The following SYNE1 variants were observed in gnomAD, a reference collection of about 807,000 sequenced individuals.
SYNE1 encodes the protein nesprin-1.
SYNE1 carries 616 observed loss-of-function variants against 1,111.0 expected under a neutral mutation model. The ratio of observed to expected loss-of-function variants is 0.55; its 90% confidence interval spans 0.52 to 0.59. The LOEUF (loss-of-function observed/expected upper bound fraction) is 0.59. SYNE1 is among the 20% of genes least tolerant of loss of function. The pLI is 0.00. For synonymous variants in SYNE1, 3,855 were observed against 3,825.8 expected, an observed-to-expected ratio of 1.01 and a Z score of -0.28; for missense variants, 10,006 against 10,417.0, an observed-to-expected ratio of 0.96 and a Z score of 1.72.
At position 152,387,346 on chromosome 6, in the gene SYNE1, T is replaced by C. The variant is rs2097539633; in HGVS notation, c.8213A>G (p.Tyr2738Cys). The part of the protein sequence containing the change: ...LESVISQWND[Y>C]VERKNQLEQW... ...CTCCAACTGGTTTTTCCTCTCTACA[T>C]AGTCATTCCATTGGCTAATCACAGA... is the stretch of plus-strand genomic sequence containing the variant. Residue 2738 changes from tyrosine (Y) to cysteine (C), a missense_variant, in exon 54 of 146, where the codon TAT becomes TGT. Around this residue, in one of 7 missense-constraint regions of SYNE1, gnomAD observed 4,955 missense variants for 5,017.2 expected, o/e 0.99. Coordinates refer to ENST00000367255, the MANE Select transcript of SYNE1 (RefSeq NM_182961.4). 6.2e-7 allele frequency: 1 copy of C among 1,614,054 alleles called. No individual in the cohort carries two copies. The highest frequency in any genetic ancestry group is 1.3e-5 in the African/African-American group (1 of 74,952).
chr6:152,331,395 T>C lies in SYNE1; in HGVS notation c.13290A>G (p.Ala4430=), dbSNP rs1353838580. 6.2e-7 allele frequency: 1 copy of C among 1,614,190 alleles called. No homozygotes were observed. The highest frequency in any genetic ancestry group is 1.1e-5 in the South Asian group (1 of 91,086). ...CACTGAGACAATTCACGTGGCTTTG[T>C]GCATCAGAGAGAGCCTTCTGGATGA... The part of the protein sequence containing the change: ...RQVIQKALSD[A]QSHVNCLSDL... The change falls in exon 78 of 146, where the codon GCA becomes GCG. Residue 4430 remains alanine, a synonymous_variant. Transcript: ENST00000367255.
chr6:152,331,604 C>T lies in SYNE1; in HGVS notation c.13081G>A (p.Glu4361Lys), dbSNP rs542703472. ...SRFQELMEWA[E>K]EQQPNIAEAL... ...TCGGCGATGTTGGGTTGTTGCTCTT[C>T]TGCCCACTCCATTAGCTCCTGAAAT... Residue 4361 changes from glutamate (E) to lysine (K), a missense_variant, in exon 78 of 146, where the codon GAA becomes AAA. Glu to Lys is a moderately conservative substitution (Grantham distance 56). Coordinates refer to ENST00000367255, the MANE Select transcript of SYNE1 (RefSeq NM_182961.4). 1 of 1,614,202 alleles carries T rather than the reference C, an allele frequency of 6.2e-7. No individual in the cohort carries two copies. The highest frequency in any genetic ancestry group is 1.3e-5 in the African/African-American group (1 of 75,062).
chr6:152,196,623 A>G (rs888864524), intron 127 of SYNE1, among the ~76,000 whole-genome samples: 1 of 151,936 alleles, frequency 6.6e-6, no homozygotes, highest in African/African-American at 2.4e-5. Context: ...CCAGTACCCT[A>G]TCTTACTGTA....
intron 4 of SYNE1, among the ~76,000 whole-genome samples, chr6:152,532,027 T>C (rs2154359584): frequency 6.6e-6 from 1 of 152,348 alleles, no homozygotes; most frequent in East Asian, 1.9e-4. Context: ...GAAGTGGAAT[T>C]GCTGAACTAC....
chr6:152,321,268 T>A lies in SYNE1; in HGVS notation c.16206A>T (p.Glu5402Asp). Residue 5402 changes from glutamate (E) to aspartate (D), a missense_variant, in exon 84 of 146, where the codon GAA becomes GAT. By Grantham distance (45) the Glu-to-Asp change is conservative. Transcript: ENST00000367255. The stretch of plus-strand genomic sequence containing the variant: ...CTCGGATCTTTAGATCTAACGCCAC[T>A]TCAGCCAACTGAAGGGAGAGTTCAG... The part of the protein sequence containing the change: ...LPSELSLQLA[E>D]VALDLKIRDQ... The A allele has an allele frequency of 6.2e-7, 1 of 1,613,902 alleles. No individual in the cohort carries two copies. The highest frequency in any genetic ancestry group is 8.5e-7 in the Non-Finnish European group (1 of 1,179,908).
chr6:152,362,378 A>C (rs1328417660), intron 63 of SYNE1, 55 bp from the exon 64 acceptor site: 1 of 1,611,480 alleles, frequency 6.2e-7, no homozygotes, highest in Non-Finnish European at 8.5e-7. Context: ...TAGGAGTCTA[A>C]AATGTCATTG....
intron 36 of SYNE1, among the ~76,000 whole-genome samples, chr6:152,429,019 C>T (rs1232593352): frequency 6.6e-6 from 1 of 151,272 alleles, no homozygotes; most frequent in Non-Finnish European, 1.5e-5. Context: ...ATGTAACATG[C>T]TATAATCACT....
At chr6:152,151,930 C>A (rs2060493245) in intron 134 of SYNE1, 29 bp downstream of exon 134, 2 of 1,613,094 alleles carry the variant, frequency 1.2e-6, no homozygotes, top group Admixed American at 1.7e-5. Flanking sequence ...CCTCTGGCCT[C>A]TAAATTACAG....
rs11360288 is a variant in SYNE1 at position 152,132,873 on chromosome 6, A to AT, written c.26001+402dup. Among the ~76,000 whole-genome samples, 1,117 of 146,250 alleles carry AT rather than the reference A, an allele frequency of 7.6e-3. 24 individuals are homozygous for AT. The highest frequency in any genetic ancestry group is 0.026 in the East Asian group (130 of 5,010). On this transcript the variant is annotated intron_variant, in intron 143 of 145. Coordinates refer to ENST00000367255, the MANE Select transcript of SYNE1 (RefSeq NM_182961.4). ...TAAATGAGCAGAGGACTGTTTTTTA[A>AT]TTTTTTTTTTTTTTTCTGTATACAT...
In SYNE1 at chr6:152,249,263, C is replaced by T; in HGVS notation, c.19471-1G>A. On this transcript the variant is annotated splice_acceptor_variant, in intron 104 of 145. Coordinates refer to ENST00000367255, the MANE Select transcript of SYNE1 (RefSeq NM_182961.4). LOFTEE classifies it high-confidence loss of function. ...ATGTAAACAGCACTTTCAGATCATT[C>T]TAAGGAGGAAAGCAACGGGAAAACT... The T allele has an allele frequency of 6.3e-7, 1 of 1,597,680 alleles. No homozygotes were observed.
intron 83 of SYNE1, 88 bp downstream of exon 83, chr6:152,321,633 C>T: frequency 2.6e-6 from 4 of 1,519,964 alleles, no homozygotes; most frequent in South Asian, 1.2e-5. Context: ...ATTCAATATT[C>T]AATAAATACA....
At chr6:152,475,263 T>G (rs369107466) in intron 14 of SYNE1, among the ~76,000 whole-genome samples, 26 of 152,224 alleles carry the variant, frequency 1.7e-4, no homozygotes, top group African/African-American at 6.3e-4. Flanking sequence ...ATGATGGGGT[T>G]ATGTCCCAAT....
chr6:152,230,185 C>T (rs1267826724), intron 115 of SYNE1, among the ~76,000 whole-genome samples: 3 of 152,030 alleles, frequency 2.0e-5, no homozygotes, highest in Non-Finnish European at 4.4e-5. Context: ...GGGACAAGCA[C>T]CACCACGTCT....
intron 131 of SYNE1, among the ~76,000 whole-genome samples, chr6:152,163,811 T>C (rs2153021140): frequency 6.6e-6 from 1 of 152,224 alleles, no homozygotes; most frequent in East Asian, 1.9e-4. Context: ...TGTCTAAGTG[T>C]ATGGTAGTGG....
In SYNE1 at chr6:152,325,436, T is replaced by C. The variant is rs988156227; in HGVS notation, c.15439-134A>G. ...GTTTCTACATACGTTTATTCTCCTC[T>C]AGGTACTCTTACTTTTATGTTTATT... is the stretch of plus-strand genomic sequence containing the variant. On this transcript the variant is annotated intron_variant, in intron 80 of 145. Transcript: ENST00000367255. 2.5e-5 allele frequency: 19 copies of C among 772,994 alleles called. No homozygotes were observed. In the African/African-American group the frequency reaches 2.5e-4, roughly 10 times the overall value. 47.9% of individuals were successfully genotyped at this position (772,994 alleles called of 1,614,324 possible).
intron 63 of SYNE1, among the ~76,000 whole-genome samples, chr6:152,362,885 G>C (rs1231198553): frequency 1.4e-5 from 2 of 145,694 alleles, no homozygotes; most frequent in East Asian, 2.0e-4. Context: ...ACACATGCTA[G>C]TTTTTTTTTT....
At chr6:152,207,655 T>C (rs2076761204) in intron 125 of SYNE1, among the ~76,000 whole-genome samples, 1 of 152,236 alleles carries the variant, frequency 6.6e-6, no homozygotes, top group African/African-American at 2.4e-5. Context: ...TGCTCAAGAA[T>C]AAAATGTATG....
Position 152,330,350 on chromosome 6 carries a change from C to G in SYNE1, c.14335G>C (p.Ala4779Pro), listed in dbSNP as rs368490158. The G allele has an allele frequency of 6.2e-7, 1 of 1,614,142 alleles. No homozygotes were observed. The highest frequency in any genetic ancestry group is 1.1e-5 in the South Asian group (1 of 91,086). Residue 4779 changes from alanine to proline, a missense_variant, in exon 78 of 146, where the codon GCT becomes CCT. Ala to Pro is a conservative substitution (Grantham distance 27). This residue lies in a region of SYNE1 where 4,955 missense variants were observed against 5,017.2 expected (regional missense o/e 0.99). Transcript: ENST00000367255. Reference sequence around the variant, plus strand: ...CACATCTTCTCGTGTTCTTGGTAAGCACTGGTGGTGTCTTCTAATAAGCTA... The same window carrying G: ...CACATCTTCTCGTGTTCTTGGTAAGGACTGGTGGTGTCTTCTAATAAGCTA... Reference protein sequence around the residue: ...RVSLLEDTTSAYQEHEKMCQQ... With the variant: ...RVSLLEDTTSPYQEHEKMCQQ...
At chr6:152,367,165 T>C in intron 62 of SYNE1, 53 bp downstream of exon 62, 2 of 1,612,548 alleles carry the variant, frequency 1.2e-6, no homozygotes, top group Non-Finnish European at 1.7e-6. Context: ...ACGGGAAATT[T>C]TGAGAAAAAC....
Sources: gnomAD v4.1 joint callset for allele counts (sites outside exome capture counted in the v4.1 genomes callset) on GRCh38, gnomAD v4.1.1 for gene constraint, gnomAD v4.1.1 regional missense constraint, MANE v1.5 for transcripts, NCBI Gene and HGNC (gene_info 2026-07-23, HGNC 2026-07-21) for gene names.